BDKRB2: variants seen among roughly 807,000 people sequenced by gnomAD.
The protein encoded by BDKRB2 is bradykinin receptor B2.
Under a neutral mutation model 4.0 loss-of-function variants are expected in BDKRB2, and 6 were observed. That is an observed-to-expected ratio of 1.49 (90% CI 0.81 to 2.93). BDKRB2 has a LOEUF of 2.93. BDKRB2 is among the 30% of genes most tolerant of loss of function. The probability of loss-of-function intolerance (pLI) is 0.00; values close to 1 mark genes in which losing one functional copy is unlikely to be tolerated. For missense variants in BDKRB2, 478 were observed against 520.1 expected (o/e 0.92, Z 0.79); for synonymous variants, 225 against 215.3 (o/e 1.05, Z -0.40).
At chr14:96,240,303 C>T (rs11627456) in intron 2 of BDKRB2, 100 bp from the exon 3 acceptor site, 46,559 of 1,352,778 alleles carry the variant, frequency 0.034, 1,083 homozygotes, top group East Asian at 0.11. Context: ...CTTCTCCTTG[C>T]CCTGGCTGGT....
chr14:96,238,953 C>A (rs60699681), intron 2 of BDKRB2: 1 of 985,466 alleles, frequency 1.0e-6, no homozygotes, highest in Non-Finnish European at 1.2e-6. Context: ...GCTCAAAAAA[C>A]ATTTAAAGGA....
intron 2 of BDKRB2, chr14:96,239,104 C>T (rs1183715365): frequency 1.0e-6 from 1 of 985,492 alleles, no homozygotes; most frequent in Non-Finnish European, 1.2e-6. Flanking sequence ...GCTCTTCCTC[C>T]ATGAGCCTGA....
chr14:96,208,848 G>A (rs1330908138), intron 1 of BDKRB2, among the ~76,000 whole-genome samples: 1 of 152,190 alleles, frequency 6.6e-6, no homozygotes, highest in Non-Finnish European at 1.5e-5. Flanking sequence ...GAGCCTCTCT[G>A]ATCTGTGCCA....
At chr14:96,222,546 C>T (rs905237555) in intron 1 of BDKRB2, among the ~76,000 whole-genome samples, 6 of 151,890 alleles carry the variant, frequency 4.0e-5, no homozygotes, top group South Asian at 2.1e-4. Context: ...TTAGGAGCTC[C>T]GTGTCAGGAA....
intron 2 of BDKRB2, chr14:96,237,698 C>A (rs1890969512): frequency 7.8e-7 from 1 of 1,288,750 alleles, no homozygotes; most frequent in Admixed American, 2.3e-5. Flanking sequence ...CCACTCCAAC[C>A]TCTCCACCCT....
chr14:96,237,113 C>G lies in BDKRB2; in HGVS notation c.6C>G (p.Phe2Leu). Residue 2 changes from phenylalanine (F) to leucine (L), a missense_variant, in exon 2 of 3, where the codon TTC becomes TTG. Phe to Leu is a conservative substitution (Grantham distance 22). Coordinates refer to ENST00000554311, the MANE Select transcript of BDKRB2 (RefSeq NM_001379692.1). ...ACATCCCACTCTGAGTCCAAATGTT[C>G]TCTCCCTGGAAGATATCAATGTTTC... M[F>L]SPWKISMFLS... is the part of the protein sequence containing the mutation. 1 of 1,613,838 alleles carries G rather than the reference C, an allele frequency of 6.2e-7. No individual in the cohort carries two copies. Among genetic ancestry groups the G allele is most frequent in the Non-Finnish European group, 8.5e-7 (1 of 1,179,692 alleles).
intron 2 of BDKRB2, 156 bp from the exon 3 acceptor site, chr14:96,240,247 T>C: frequency 3.0e-6 from 4 of 1,324,954 alleles, no homozygotes; most frequent in South Asian, 2.9e-5. Context: ...GGGAGTCAGG[T>C]GCACTGGAGC....
At chr14:96,235,272 C>T (rs1037708834) in intron 1 of BDKRB2, among the ~76,000 whole-genome samples, 4 of 149,196 alleles carry the variant, frequency 2.7e-5, no homozygotes, top group African/African-American at 7.4e-5. Flanking sequence ...CGCTTGAACC[C>T]GGGAGGCAGA....
intron 1 of BDKRB2, among the ~76,000 whole-genome samples, chr14:96,212,811 G>C (rs1370121687): frequency 6.6e-6 from 1 of 152,090 alleles, no homozygotes; most frequent in Admixed American, 6.6e-5. Context: ...TGATGCTCCT[G>C]TGTCTCTGAA....
At chr14:96,211,634 A>C (rs1890305492) in intron 1 of BDKRB2, among the ~76,000 whole-genome samples, 1 of 152,144 alleles carries the variant, frequency 6.6e-6, no homozygotes, top group Non-Finnish European at 1.5e-5. Context: ...GACTCTGTGA[A>C]GATGATTCCT....
intron 1 of BDKRB2, among the ~76,000 whole-genome samples, chr14:96,219,230 A>G (rs187929749): frequency 2.7e-4 from 41 of 151,526 alleles, no homozygotes; most frequent in African/African-American, 9.5e-4. Flanking sequence ...TGAACCCAGG[A>G]GGCGGAAGAT....
At chr14:96,212,091 A>T (rs1890316641) in intron 1 of BDKRB2, among the ~76,000 whole-genome samples, 1 of 152,140 alleles carries the variant, frequency 6.6e-6, no homozygotes, top group African/African-American at 2.4e-5. Flanking sequence ...GCAGGGACAG[A>T]ATCTGGAGGG....
intron 1 of BDKRB2, among the ~76,000 whole-genome samples, chr14:96,225,589 G>A (rs563175458): frequency 6.6e-6 from 1 of 152,250 alleles, no homozygotes; most frequent in East Asian, 1.9e-4. Context: ...CAATAGTATA[G>A]GTCCCTTCAG....
At chr14:96,212,368 T>A (rs535744938) in intron 1 of BDKRB2, among the ~76,000 whole-genome samples, 1 of 150,846 alleles carries the variant, frequency 6.6e-6, no homozygotes, top group South Asian at 2.1e-4. Flanking sequence ...AGTCATGCCT[T>A]TAAATTTTTA....
At chr14:96,232,291 A>G (rs1890836187) in intron 1 of BDKRB2, among the ~76,000 whole-genome samples, 1 of 152,234 alleles carries the variant, frequency 6.6e-6, no homozygotes, top group African/African-American at 2.4e-5. Flanking sequence ...ACGAGGTGCA[A>G]TGAGGTTAAA....
In BDKRB2 at chr14:96,241,090, C is replaced by T. The variant is rs201458327; in HGVS notation, c.762C>T (p.Asn254=). 2.3e-4 allele frequency: 364 copies of T among 1,613,982 alleles called. No homozygotes were observed. Among genetic ancestry groups the T allele is most frequent in the Non-Finnish European group, 2.8e-4 (325 of 1,179,966 alleles). The change falls in exon 3 of 3, where the codon AAC becomes AAT. Residue 254 remains asparagine, a synonymous_variant. Coordinates refer to ENST00000554311, the MANE Select transcript of BDKRB2 (RefSeq NM_001379692.1). ...AGATCATGCAGGTGCTGCGGAACAA[C>T]GAGATGCAGAAGTTCAAGGAGATCC... is the stretch of plus-strand genomic sequence containing the variant. The part of the protein sequence containing the change: ...TMQIMQVLRN[N]EMQKFKEIQT...
intron 1 of BDKRB2, among the ~76,000 whole-genome samples, chr14:96,205,463 G>A (rs893985827): frequency 2.6e-5 from 4 of 150,974 alleles, no homozygotes; most frequent in Non-Finnish European, 5.9e-5. Context: ...CCTGGGGGTG[G>A]CAGGGTTAAA....
intron 1 of BDKRB2, among the ~76,000 whole-genome samples, chr14:96,221,474 G>T (rs1384180766): frequency 1.3e-5 from 2 of 152,122 alleles, no homozygotes; most frequent in African/African-American, 4.8e-5. Flanking sequence ...CTCAAGTAGG[G>T]TATGCGAGGA....
intron 1 of BDKRB2, among the ~76,000 whole-genome samples, chr14:96,228,729 G>T (rs555222809): frequency 6.6e-6 from 1 of 152,342 alleles, no homozygotes; most frequent in African/African-American, 2.4e-5. Context: ...GTGGGCCCAG[G>T]CTTGTGGGTG....
Sources: allele counts gnomAD v4.1 joint callset (sites outside exome capture counted in the v4.1 genomes callset), GRCh38; gene constraint gnomAD v4.1.1; transcripts MANE v1.5; gene names NCBI Gene and HGNC (gene_info 2026-07-23, HGNC 2026-07-21).